The following HCN1 variants were observed in gnomAD, a reference collection of about 807,000 sequenced individuals.
The protein encoded by HCN1 is potassium/sodium hyperpolarization-activated cyclic nucleotide-gated channel 1.
In HCN1, 13 loss-of-function variants were observed where a neutral mutation model predicts 78.9. That is an observed-to-expected ratio of 0.16 (90% CI 0.11 to 0.26). The LOEUF (loss-of-function observed/expected upper bound fraction) is 0.26, where lower values mean the gene tolerates loss of function less well. Among genes scored for constraint, HCN1 ranks in the 10% least tolerant of loss-of-function variants. The probability of loss-of-function intolerance (pLI) is 1.00; values close to 1 mark genes in which losing one functional copy is unlikely to be tolerated. For synonymous variants in HCN1, 552 were observed against 455.5 expected (o/e 1.21, Z -2.70); for missense variants, 810 against 1,154.3 (o/e 0.70, Z 4.32).
intron 2 of HCN1, among the ~76,000 whole-genome samples, chr5:45,479,569 C>A (rs1030632109): frequency 3.3e-5 from 5 of 152,096 alleles, no homozygotes; most frequent in Non-Finnish European, 4.4e-5. Context: ...ACAGAACTGA[C>A]AATACTTGAT....
intron 4 of HCN1, among the ~76,000 whole-genome samples, chr5:45,386,764 A>C (rs960716743): frequency 6.6e-6 from 1 of 152,162 alleles, no homozygotes; most frequent in Admixed American, 6.6e-5. Flanking sequence ...ACTTGAGTCT[A>C]TTTACATCCT....
chr5:45,507,402 A>G (rs1041069434), intron 2 of HCN1, among the ~76,000 whole-genome samples: 1 of 152,116 alleles, frequency 6.6e-6, no homozygotes, highest in Non-Finnish European at 1.5e-5. Context: ...GGTTTCCTCT[A>G]CAACTGTTGC....
At chr5:45,664,224 C>G (rs180891845) in intron 1 of HCN1, among the ~76,000 whole-genome samples, 20,596 of 90,498 alleles carry the variant, frequency 0.23, 1,454 homozygotes, top group East Asian at 0.28. Context: ...AACCAAACAC[C>G]GCATATTCTC....
At chr5:45,313,452 C>G (rs1223870309) in intron 5 of HCN1, among the ~76,000 whole-genome samples, 5 of 152,176 alleles carry the variant, frequency 3.3e-5, no homozygotes, top group African/African-American at 1.2e-4. Flanking sequence ...TTCTAAAAAT[C>G]AGAGCACCTC....
chr5:45,463,690 G>T (rs1053001280), intron 2 of HCN1, among the ~76,000 whole-genome samples: 1 of 151,862 alleles, frequency 6.6e-6, no homozygotes, highest in Non-Finnish European at 1.5e-5. Context: ...CTCATTAAAA[G>T]TTATATAATA....
chr5:45,480,667 C>T (rs1478452156), intron 2 of HCN1, among the ~76,000 whole-genome samples: 4 of 152,010 alleles, frequency 2.6e-5, no homozygotes, highest in African/African-American at 7.2e-5. Context: ...ATAAATGTCC[C>T]GGGACAATAA....
At chr5:45,481,256 T>A (rs904835443) in intron 2 of HCN1, among the ~76,000 whole-genome samples, 5 of 152,196 alleles carry the variant, frequency 3.3e-5, no homozygotes, top group African/African-American at 2.4e-5. Flanking sequence ...ATATCTCTCA[T>A]GAACACCAAC....
chr5:45,539,620 G>A (rs1387045499), intron 2 of HCN1, among the ~76,000 whole-genome samples: 4 of 150,466 alleles, frequency 2.7e-5, no homozygotes, highest in Non-Finnish European at 5.9e-5. Flanking sequence ...AGCTGAGATC[G>A]TGCCACTGCA....
intron 1 of HCN1, among the ~76,000 whole-genome samples, chr5:45,677,608 T>A (rs2112083935): frequency 6.6e-6 from 1 of 152,018 alleles, no homozygotes; most frequent in Middle Eastern, 3.4e-3. Context: ...TTAATTTCAT[T>A]TTGTTGTTCT....
chr5:45,564,538 T>A (rs77840247), intron 2 of HCN1, among the ~76,000 whole-genome samples: 5,835 of 152,234 alleles, frequency 0.038, 411 homozygotes, highest in African/African-American at 0.13. Context: ...CTCCTAAAAG[T>A]GTCATGCCCA....
chr5:45,377,044 G>C (rs951965895), intron 4 of HCN1, among the ~76,000 whole-genome samples: 1 of 151,924 alleles, frequency 6.6e-6, no homozygotes, highest in African/African-American at 2.4e-5. Context: ...TATAAGAAAA[G>C]GTTTGACTTA....
chr5:45,613,859 C>T (rs754414416), intron 2 of HCN1, among the ~76,000 whole-genome samples: 2 of 152,050 alleles, frequency 1.3e-5, no homozygotes, highest in Non-Finnish European at 2.9e-5. Flanking sequence ...ATGTTTTATA[C>T]TCTGTGGTAG....
At chr5:45,489,249 AT>A (rs1271723659) in intron 2 of HCN1, among the ~76,000 whole-genome samples, 1 of 152,172 alleles carries the variant, frequency 6.6e-6, no homozygotes, top group African/African-American at 2.4e-5. Context: ...GGGAGAATTA[AT>A]AGTTTTCTGT....
At chr5:45,468,991 G>A (rs1038300592) in intron 2 of HCN1, among the ~76,000 whole-genome samples, 1 of 151,846 alleles carries the variant, frequency 6.6e-6, no homozygotes, top group African/African-American at 2.4e-5. Context: ...CAAATTTCAA[G>A]TCAATACCAG....
chr5:45,387,111 A>G (rs1747938145), intron 4 of HCN1, among the ~76,000 whole-genome samples: 1 of 151,884 alleles, frequency 6.6e-6, no homozygotes, highest in Non-Finnish European at 1.5e-5. Flanking sequence ...TCAGAAAAAA[A>G]GTTGAAAATA....
intron 5 of HCN1, among the ~76,000 whole-genome samples, chr5:45,305,132 A>G (rs1451840222): frequency 1.3e-5 from 2 of 152,186 alleles, no homozygotes; most frequent in African/African-American, 4.8e-5. Flanking sequence ...AGAAGGCAGA[A>G]GGAATCATAG....
chr5:45,545,169 T>C (rs1194164677), intron 2 of HCN1, among the ~76,000 whole-genome samples: 1 of 152,194 alleles, frequency 6.6e-6, no homozygotes, highest in Admixed American at 6.5e-5. Context: ...TATCTCATTG[T>C]GGTTTTGATT....
intron 2 of HCN1, among the ~76,000 whole-genome samples, chr5:45,530,733 C>T (rs1742825195): frequency 6.6e-6 from 1 of 152,152 alleles, no homozygotes; most frequent in African/African-American, 2.4e-5. Context: ...ATAAACTAAG[C>T]ACTTCCTGTG....
intron 2 of HCN1, among the ~76,000 whole-genome samples, chr5:45,462,269 C>T (rs1741177748): frequency 6.6e-6 from 1 of 152,048 alleles, no homozygotes; most frequent in Non-Finnish European, 1.5e-5. Context: ...TAAAGAACAT[C>T]GATGTTGCCA....
Sources: gnomAD v4.1 joint callset for allele counts (sites outside exome capture counted in the v4.1 genomes callset) on GRCh38, gnomAD v4.1.1 for gene constraint, MANE v1.5 for transcripts, NCBI Gene and HGNC (gene_info 2026-07-23, HGNC 2026-07-21) for gene names.